The following ULK2 variants were observed in gnomAD, a reference collection of about 807,000 sequenced individuals.
ULK2 encodes the protein serine/threonine-protein kinase ULK2.
A neutral mutation model predicts 127.5 loss-of-function variants in ULK2; 76 were observed. The ratio of observed to expected loss-of-function variants is 0.60; its 90% confidence interval spans 0.50 to 0.72. The LOEUF is 0.72. ULK2 is among the 30% of genes least tolerant of loss of function. The pLI, the probability that ULK2 is intolerant of heterozygous loss-of-function variation, is 0.00. For synonymous variants in ULK2, 452 were observed against 461.9 expected, an observed-to-expected ratio of 0.98 and a Z score of 0.28; for missense variants, 1,144 against 1,295.9, an observed-to-expected ratio of 0.88 and a Z score of 1.80.
At chr17:19,841,243 C>A (rs1381904961) in intron 9 of ULK2, among the ~76,000 whole-genome samples, 2 of 152,144 alleles carry the variant, frequency 1.3e-5, no homozygotes, top group African/African-American at 4.8e-5. Context: ...TTACCCTCCC[C>A]ACAAGGAACA....
intron 9 of ULK2, among the ~76,000 whole-genome samples, chr17:19,841,236 C>T (rs1042801275): frequency 6.6e-6 from 1 of 152,138 alleles, no homozygotes; most frequent in Admixed American, 6.5e-5. Context: ...GTCCACATTA[C>T]CCTCCCCACA....
chr17:19,865,575 G>A lies in ULK2; in HGVS notation c.183+161C>T, dbSNP rs547063012. On this transcript the variant is annotated intron_variant, in intron 2 of 26. Coordinates refer to ENST00000395544, the MANE Select transcript of ULK2 (RefSeq NM_014683.4). ...GCTTTGGTTCTTAAAAATAGCTTCC[G>A]AGTACTCAATGTTTTAAAAAAGTGA... is the stretch of plus-strand genomic sequence containing the variant. 7.2e-5 allele frequency among the ~76,000 whole-genome samples: 11 copies of A among 152,222 alleles called. No individual in the cohort carries two copies. In the South Asian group the frequency reaches 1.4e-3, roughly 20 times the overall value.
chr17:19,822,601 C>CA (rs901092798), intron 12 of ULK2, among the ~76,000 whole-genome samples: 1 of 152,038 alleles, frequency 6.6e-6, no homozygotes, highest in Non-Finnish European at 1.5e-5. Flanking sequence ...CTCCTGACCT[C>CA]AAGTGGTCCA....
In ULK2 at chr17:19,799,579, C is replaced by CAAAAA. The variant is rs11456096; in HGVS notation, c.1442-9_1442-5dup. The CAAAAA allele has an allele frequency of 1.4e-4, 169 of 1,194,198 alleles. 5 individuals carry two copies. The highest frequency in any genetic ancestry group is 6.9e-4 in the South Asian group (30 of 43,696). 74.0% of individuals were successfully genotyped at this position (1,194,198 alleles called of 1,614,324 possible). A position where few individuals can be genotyped will look rare whatever the true frequency, so the allele number is the denominator to read the frequency against. ...AATTGCTCAGGAATGGTACCAACTA[C>CAAAAA]AAAAAAAAAAAAAAAAAAGATGGGG... On this transcript the variant is annotated splice_region_variant and splice_polypyrimidine_tract_variant and intron_variant, in intron 16 of 26. Coordinates refer to ENST00000395544, the MANE Select transcript of ULK2 (RefSeq NM_014683.4).
At chr17:19,827,504 C>G (rs1287331730) in intron 10 of ULK2, among the ~76,000 whole-genome samples, 4 of 152,178 alleles carry the variant, frequency 2.6e-5, no homozygotes, top group Non-Finnish European at 5.9e-5. Flanking sequence ...AAGTCAAACA[C>G]TTTTTTCCCT....
At chr17:19,796,067 T>C in intron 19 of ULK2, 28 bp downstream of exon 19, 1 of 1,582,322 alleles carries the variant, frequency 6.3e-7, no homozygotes, top group Non-Finnish European at 8.6e-7. Flanking sequence ...TTTTCATGTT[T>C]AATGCTAGAA....
intron 9 of ULK2, among the ~76,000 whole-genome samples, chr17:19,839,945 A>C (rs569882437): frequency 1.3e-5 from 2 of 149,114 alleles, no homozygotes; most frequent in Non-Finnish European, 2.9e-5. Flanking sequence ...GCACACATAC[A>C]CAAAGGAGTA....
chr17:19,867,203 G>T (rs1473406132), intron 1 of ULK2, 125 bp downstream of exon 1: 4 of 675,424 alleles, frequency 5.9e-6, no homozygotes, highest in Non-Finnish European at 9.1e-6. Flanking sequence ...CGGGCTGCGC[G>T]CACAATAGCA....
chr17:19,853,238 G>A (rs558220644), intron 3 of ULK2, among the ~76,000 whole-genome samples: 33 of 150,584 alleles, frequency 2.2e-4, no homozygotes, highest in Admixed American at 1.7e-3. Flanking sequence ...GGGTTCAAGC[G>A]AGTCTCCTGC....
rs559939100 is a variant in ULK2 at position 19,823,178 on chromosome 17, C to T, written c.924+1916G>A. ...ATGGGTGGTCTTGATATGTTGCCCA[C>T]GCTGGTCTTGAACTCCTGGAATCAA... On this transcript the variant is annotated intron_variant, in intron 12 of 26. Transcript: ENST00000395544. 4.8e-5 allele frequency among the ~76,000 whole-genome samples: 7 copies of T among 144,982 alleles called. No individual in the cohort carries two copies. The South Asian group carries it at 6.5e-4, about 13-fold the overall frequency.
rs779283864 is a variant in ULK2 at position 19,795,716 on chromosome 17, A to G, written c.2007T>C (p.Ser669=). ...QSKAVFGRSV[S]TGKLSDQQGK... is the part of the protein sequence containing the mutation. ...CTTGTTGATCTGATAACTTCCCGGTACTGACAGATCTAAAAAGAATAGTGA... is the reference window on the plus strand; with the variant it reads ...CTTGTTGATCTGATAACTTCCCGGTGCTGACAGATCTAAAAAGAATAGTGA... The change falls in exon 20 of 27, where the codon AGT becomes AGC. Residue 669 remains serine, a synonymous_variant. Transcript: ENST00000395544. The G allele has an allele frequency of 6.2e-7, 1 of 1,613,746 alleles. No homozygotes were observed. The highest frequency in any genetic ancestry group is 8.5e-7 in the Non-Finnish European group (1 of 1,179,692).
At chr17:19,815,054 G>T (rs2040951620) in intron 13 of ULK2, among the ~76,000 whole-genome samples, 1 of 152,070 alleles carries the variant, frequency 6.6e-6, no homozygotes, top group Admixed American at 6.6e-5. Context: ...CATCATGCTG[G>T]CACTCTAAAA....
chr17:19,836,142 G>A (rs907995337), intron 10 of ULK2, among the ~76,000 whole-genome samples: 2 of 151,958 alleles, frequency 1.3e-5, no homozygotes, highest in African/African-American at 4.8e-5. Flanking sequence ...CGGGCATGGT[G>A]GCTCACGCTT....
intron 7 of ULK2, 138 bp downstream of exon 7, chr17:19,845,166 A>G (rs2041850629): frequency 5.8e-6 from 4 of 692,506 alleles, no homozygotes; most frequent in Admixed American, 2.9e-5. Context: ...TAGCATTATC[A>G]GTAATATAAT....
At chr17:19,799,289 T>C (rs2087342787) in intron 17 of ULK2, among the ~76,000 whole-genome samples, 1 of 152,116 alleles carries the variant, frequency 6.6e-6, no homozygotes, top group Admixed American at 6.5e-5. Context: ...CTAAGACTTA[T>C]TTTCATTAAG....
At chr17:19,784,801 C>T (rs1422555863) in intron 21 of ULK2, among the ~76,000 whole-genome samples, 1 of 152,082 alleles carries the variant, frequency 6.6e-6, no homozygotes, top group African/African-American at 2.4e-5. Flanking sequence ...GCTGGGATTA[C>T]AGGCATGAAC....
intron 13 of ULK2, among the ~76,000 whole-genome samples, chr17:19,811,830 G>A (rs924074677): frequency 6.6e-6 from 1 of 152,076 alleles, no homozygotes; most frequent in African/African-American, 2.4e-5. Context: ...GGCTTTCAAT[G>A]ACCACATTTT....
Position 19,776,095 on chromosome 17 carries a change from A to G in ULK2, c.*254T>C. On this transcript the variant is annotated 3_prime_UTR_variant, in exon 27 of 27. Transcript: ENST00000395544. Reference sequence around the variant, plus strand: ...TAAGGTACATTTATTCACCAAGTCCAAACTGGGAGCCAAACACTCTTGCTC... The same window carrying G: ...TAAGGTACATTTATTCACCAAGTCCGAACTGGGAGCCAAACACTCTTGCTC... 2.2e-6 allele frequency: 1 copy of G among 452,256 alleles called. No individual in the cohort carries two copies. Among genetic ancestry groups the G allele is most frequent in the Non-Finnish European group, 4.0e-6 (1 of 252,276 alleles). The allele number at this position is 452,256 out of a possible 1,614,324, so 28.0% of individuals were successfully genotyped here.
Position 19,867,406 on chromosome 17 carries a change from C to A in ULK2, c.12G>T (p.Val4=). Residue 4 remains valine (V), a synonymous_variant, in exon 1 of 27, where the codon GTG becomes GTT. Coordinates refer to ENST00000395544, the MANE Select transcript of ULK2 (RefSeq NM_014683.4). ...CCCTCTTGCTGTACTCGAAGTCACC[C>A]ACCACCTCCATGGCCGCGCCCCCGG... MEV[V]GDFEYSKRDL... is the part of the protein sequence containing the mutation. 1 of 1,598,032 alleles carries A rather than the reference C, an allele frequency of 6.3e-7. No individual in the cohort carries two copies. The highest frequency in any genetic ancestry group is 8.5e-7 in the Non-Finnish European group (1 of 1,173,884).
Sources: gnomAD v4.1 joint callset for allele counts (sites outside exome capture counted in the v4.1 genomes callset) on GRCh38, gnomAD v4.1.1 for gene constraint, MANE v1.5 for transcripts, NCBI Gene and HGNC (gene_info 2026-07-23, HGNC 2026-07-21) for gene names.